Variants in FAM13A observed in about 807,000 individuals in gnomAD.
FAM13A encodes the protein family with sequence similarity 13 member A, also known as protein FAM13A.
FAM13A carries 76 observed loss-of-function variants against 129.6 expected under a neutral mutation model. That is an observed-to-expected ratio of 0.59 (90% CI 0.49 to 0.71). The LOEUF (loss-of-function observed/expected upper bound fraction) is 0.71, where lower values mean the gene tolerates loss of function less well. FAM13A is among the 30% of genes least tolerant of loss of function. FAM13A has a pLI of 0.00. For synonymous variants in FAM13A, 443 were observed against 449.9 expected (o/e 0.98, Z 0.20); for missense variants, 1,108 against 1,249.3 (o/e 0.89, Z 1.70).
intron 4 of FAM13A, among the ~76,000 whole-genome samples, chr4:88,971,723 T>C (rs1422645590): frequency 6.6e-6 from 1 of 152,174 alleles, no homozygotes; most frequent in East Asian, 1.9e-4. Context: ...TTGCCCAATC[T>C]GGTCTCAAGC....
intron 1 of FAM13A, among the ~76,000 whole-genome samples, chr4:89,050,310 C>T (rs1394043866): frequency 6.6e-6 from 1 of 151,970 alleles, no homozygotes; most frequent in African/African-American, 2.4e-5. Flanking sequence ...TCAAGAGATC[C>T]GCATGCATCA....
At chr4:88,957,747 G>A (rs1757979818) in intron 4 of FAM13A, among the ~76,000 whole-genome samples, 4 of 152,166 alleles carry the variant, frequency 2.6e-5, no homozygotes, top group Admixed American at 2.6e-4. Flanking sequence ...GGACGTTGAA[G>A]GTCAGGGAAA....
Position 88,747,783 on chromosome 4 carries a change from T to C in FAM13A, c.2230A>G (p.Lys744Glu). 2 of 1,614,216 alleles carry C rather than the reference T, an allele frequency of 1.2e-6. No individual in the cohort carries two copies. The highest frequency in any genetic ancestry group is 1.3e-5 in the African/African-American group (1 of 75,060). ...TTCTCAAGTTGGGAACCAAAACTCT[T>C]GGGGAGTGTGTTGCTTCGCTGCCGC... ...RMRQRSNTLP[K>E]SFGSQLEKED... The change falls in exon 18 of 24, where the codon AAG becomes GAG. Residue 744 changes from lysine to glutamate, a missense_variant. This residue lies in a region of FAM13A where 529 missense variants were observed against 621.2 expected (regional missense o/e 0.85). Coordinates refer to ENST00000264344, the MANE Select transcript of FAM13A (RefSeq NM_014883.4).
At chr4:88,779,514 C>T (rs1189101946) in intron 11 of FAM13A, among the ~76,000 whole-genome samples, 3 of 152,110 alleles carry the variant, frequency 2.0e-5, no homozygotes, top group Admixed American at 6.5e-5. Flanking sequence ...CCTCACTTTA[C>T]AGATGAGGAA....
At chr4:88,784,353 C>CA (rs1355839596) in intron 10 of FAM13A, among the ~76,000 whole-genome samples, 1 of 152,170 alleles carries the variant, frequency 6.6e-6, no homozygotes, top group African/African-American at 2.4e-5. Flanking sequence ...AGATACAGCT[C>CA]TGTATAAAAC....
chr4:89,008,072 CTGTCGG>C (rs759031573), intron 3 of FAM13A, among the ~76,000 whole-genome samples: 118,239 of 151,826 alleles, frequency 0.78, 46,241 homozygotes, highest in Middle Eastern at 0.88. Flanking sequence ...TTTCCGAGAT[CTGTCGG>C]AGATCAATGC....
chr4:89,051,270 GCTAT>G (rs879549550), intron 1 of FAM13A, among the ~76,000 whole-genome samples: 7 of 152,116 alleles, frequency 4.6e-5, no homozygotes, highest in African/African-American at 9.7e-5. Flanking sequence ...TCCACAAATG[GCTAT>G]CTTTTTGCTG....
intron 5 of FAM13A, among the ~76,000 whole-genome samples, chr4:88,925,575 G>A (rs1751980257): frequency 1.5e-5 from 2 of 131,538 alleles, no homozygotes; most frequent in African/African-American, 2.8e-5. Flanking sequence ...GGAGGGGGGA[G>A]GTATATCTCC....
At chr4:88,849,207 T>A (rs1370256011) in intron 7 of FAM13A, among the ~76,000 whole-genome samples, 1 of 152,186 alleles carries the variant, frequency 6.6e-6, no homozygotes, top group Admixed American at 6.5e-5. Flanking sequence ...AAGTGGGAGA[T>A]TTACATCTTT....
chr4:88,928,610 A>G (rs2148764765), intron 5 of FAM13A, among the ~76,000 whole-genome samples: 1 of 152,258 alleles, frequency 6.6e-6, no homozygotes, highest in African/African-American at 2.4e-5. Flanking sequence ...TGATATAAGT[A>G]TAGCTACTCC....
At chr4:88,729,321 A>G (rs1008446956) in intron 23 of FAM13A, 12 of 152,190 alleles carry the variant, frequency 7.9e-5, no homozygotes, top group African/African-American at 2.7e-4. Context: ...CACACTACAC[A>G]TGATGAAACC....
At chr4:88,943,631 C>T (rs752466417) in intron 4 of FAM13A, among the ~76,000 whole-genome samples, 10 of 152,198 alleles carry the variant, frequency 6.6e-5, no homozygotes, top group African/African-American at 1.4e-4. Context: ...GTCTTCAAGA[C>T]GGTTCACAGA....
At chr4:88,789,958 G>C (rs149535574) in intron 9 of FAM13A, among the ~76,000 whole-genome samples, 2 of 152,278 alleles carry the variant, frequency 1.3e-5, no homozygotes, top group Non-Finnish European at 2.9e-5. Flanking sequence ...AGCAAGGACT[G>C]ATAACTGGAG....
At chr4:88,781,923 T>C (rs1723001196) in intron 10 of FAM13A, among the ~76,000 whole-genome samples, 2 of 151,300 alleles carry the variant, frequency 1.3e-5, no homozygotes, top group South Asian at 2.1e-4. Context: ...CACACCAACA[T>C]GGCACATGTA....
At chr4:88,938,584 C>A (rs1317562430) in intron 4 of FAM13A, among the ~76,000 whole-genome samples, 1 of 151,996 alleles carries the variant, frequency 6.6e-6, no homozygotes, top group Non-Finnish European at 1.5e-5. Flanking sequence ...ACAGAAATAG[C>A]CACACAAATA....
chr4:88,880,138 T>C (rs1177887410), intron 6 of FAM13A, among the ~76,000 whole-genome samples: 2 of 152,132 alleles, frequency 1.3e-5, no homozygotes, highest in African/African-American at 4.8e-5. Flanking sequence ...ACTCACACTG[T>C]GAACTTTTGC....
intron 6 of FAM13A, among the ~76,000 whole-genome samples, chr4:88,874,498 A>G (rs1742019446): frequency 6.7e-6 from 1 of 149,958 alleles, no homozygotes; most frequent in Non-Finnish European, 1.5e-5. Flanking sequence ...TACCAATAAC[A>G]GGCAAACAGA....
At chr4:89,051,165 T>C (rs28498689) in intron 1 of FAM13A, among the ~76,000 whole-genome samples, 91,290 of 151,996 alleles carry the variant, frequency 0.6, 28,080 homozygotes, top group Middle Eastern at 0.7. Flanking sequence ...TGCTTATAAA[T>C]GAAAGAAATT....
intron 6 of FAM13A, among the ~76,000 whole-genome samples, chr4:88,886,751 A>G (rs1442214570): frequency 6.6e-6 from 1 of 151,992 alleles, no homozygotes. Context: ...TACTAATAAT[A>G]CAAAAATTAG....
Sources: gnomAD v4.1 joint callset for allele counts (sites outside exome capture counted in the v4.1 genomes callset) on GRCh38, gnomAD v4.1.1 for gene constraint, gnomAD v4.1.1 regional missense constraint, MANE v1.5 for transcripts, NCBI Gene and HGNC (gene_info 2026-07-23, HGNC 2026-07-21) for gene names.